The following XKR6 variants were observed in gnomAD, a reference collection of about 807,000 sequenced individuals.
XKR6 encodes XK-related protein 6.
In XKR6, 22 loss-of-function variants were observed where a neutral mutation model predicts 56.7. That is an observed-to-expected ratio of 0.39 (90% CI 0.28 to 0.55). The LOEUF is 0.55. XKR6 is among the 20% of genes least tolerant of loss of function. The pLI is 0.66. For synonymous variants in XKR6, 524 were observed against 387.8 expected (o/e 1.35, Z -4.13); for missense variants, 852 against 889.0 (o/e 0.96, Z 0.53).
intron 1 of XKR6, among the ~76,000 whole-genome samples, chr8:11,074,209 C>G (rs1800207481): frequency 6.6e-6 from 1 of 152,152 alleles, no homozygotes; most frequent in Admixed American, 6.6e-5. Context: ...TCTGCTCCAG[C>G]AGGAGCAGAA....
Position 11,201,281 on chromosome 8 carries a change from A to G in XKR6, c.59T>C (p.Leu20Pro). ...VGVGFAQLHN[L>P]DEAVGSGGEE... Reference sequence around the variant, plus strand: ...GCCGCCGCTGCCCACCGCCTCGTCCAGGTTGTGCAGCTGAGCGAAGCCCAC... The same window carrying G: ...GCCGCCGCTGCCCACCGCCTCGTCCGGGTTGTGCAGCTGAGCGAAGCCCAC... Residue 20 changes from leucine (L) to proline (P), a missense_variant, in exon 1 of 3, where the codon CTG (leucine) becomes CCG (proline). Coordinates refer to ENST00000416569, the MANE Select transcript of XKR6 (RefSeq NM_173683.4). 2.6e-6 allele frequency: 4 copies of G among 1,540,994 alleles called. No homozygotes were observed. Among genetic ancestry groups the G allele is most frequent in the Admixed American group, 1.7e-5 (1 of 57,222 alleles).
chr8:10,976,970 G>A (rs1459803963), intron 1 of XKR6, among the ~76,000 whole-genome samples: 1 of 152,122 alleles, frequency 6.6e-6, no homozygotes, highest in Non-Finnish European at 1.5e-5. Flanking sequence ...GATGCAGGTC[G>A]TCTTCCCCAG....
intron 1 of XKR6, among the ~76,000 whole-genome samples, chr8:10,967,924 C>T (rs547573653): frequency 2.9e-4 from 44 of 152,290 alleles, no homozygotes; most frequent in South Asian, 6.2e-4. Context: ...CGGCTCTGCA[C>T]TGGACAGAAC....
At chr8:11,032,894 G>A (rs1799025920) in intron 1 of XKR6, among the ~76,000 whole-genome samples, 1 of 152,184 alleles carries the variant, frequency 6.6e-6, no homozygotes, top group South Asian at 2.1e-4. Context: ...TGCTGGTGGT[G>A]GAGATGGTGA....
intron 1 of XKR6, among the ~76,000 whole-genome samples, chr8:10,983,708 T>C (rs998822307): frequency 1.3e-5 from 2 of 151,738 alleles, no homozygotes; most frequent in Non-Finnish European, 2.9e-5. Context: ...CAGGCTGGAG[T>C]GCAGTGGCCT....
At chr8:11,075,633 C>G (rs2129168340) in intron 1 of XKR6, among the ~76,000 whole-genome samples, 1 of 152,208 alleles carries the variant, frequency 6.6e-6, no homozygotes, top group South Asian at 2.1e-4. Context: ...ATCTGTAATC[C>G]CAGCACTTTG....
intron 1 of XKR6, among the ~76,000 whole-genome samples, chr8:11,184,573 T>C (rs1467635651): frequency 6.6e-6 from 1 of 152,202 alleles, no homozygotes; most frequent in Non-Finnish European, 1.5e-5. Flanking sequence ...GTTTTTTAAA[T>C]ATTTTATGGT....
intron 1 of XKR6, among the ~76,000 whole-genome samples, chr8:11,131,282 G>A (rs539090501): frequency 6.6e-6 from 1 of 151,940 alleles, no homozygotes; most frequent in Non-Finnish European, 1.5e-5. Context: ...TTCATTTTTG[G>A]TTCTTAATCT....
intron 1 of XKR6, among the ~76,000 whole-genome samples, chr8:10,977,737 G>A (rs1229354441): frequency 6.6e-6 from 1 of 151,022 alleles, no homozygotes; most frequent in Non-Finnish European, 1.5e-5. Flanking sequence ...GAGAAGTTTT[G>A]GAATCAGGCA....
At chr8:11,137,273 A>G (rs1286661604) in intron 1 of XKR6, 1 of 265,076 alleles carries the variant, frequency 3.8e-6, no homozygotes, top group Non-Finnish European at 7.3e-6. Context: ...TGTCTACTAA[A>G]GCAGTGCTTT....
chr8:11,092,878 T>A (rs1041691635), intron 1 of XKR6, among the ~76,000 whole-genome samples: 14 of 152,146 alleles, frequency 9.2e-5, no homozygotes, highest in African/African-American at 2.9e-4. Flanking sequence ...GTCCGCCTCA[T>A]CTTACAGCAG....
At chr8:11,191,025 G>A (rs1052025332) in intron 1 of XKR6, among the ~76,000 whole-genome samples, 1 of 152,162 alleles carries the variant, frequency 6.6e-6, no homozygotes, top group Admixed American at 6.5e-5. Context: ...TTTACTGCAA[G>A]TATCACACAC....
At chr8:11,197,801 G>A (rs1803971507) in intron 1 of XKR6, among the ~76,000 whole-genome samples, 1 of 152,216 alleles carries the variant, frequency 6.6e-6, no homozygotes, top group Non-Finnish European at 1.5e-5. Context: ...CATCTTGACA[G>A]GAATGGCAAG....
At chr8:10,924,471 G>A (rs1800815750) in intron 2 of XKR6, among the ~76,000 whole-genome samples, 163 bp downstream of exon 2, 1 of 152,266 alleles carries the variant, frequency 6.6e-6, no homozygotes, top group Non-Finnish European at 1.5e-5. Context: ...TGAGTGTGGT[G>A]TGGGCCCCGT....
At chr8:11,185,684 A>G (rs1185073597) in intron 1 of XKR6, among the ~76,000 whole-genome samples, 1 of 152,196 alleles carries the variant, frequency 6.6e-6, no homozygotes, top group Non-Finnish European at 1.5e-5. Context: ...CCAAGATCCA[A>G]TCTTTCCTCA....
intron 1 of XKR6, among the ~76,000 whole-genome samples, chr8:11,168,898 T>C (rs531540595): frequency 1.3e-5 from 2 of 152,334 alleles, no homozygotes; most frequent in South Asian, 4.1e-4. Flanking sequence ...CTTTTCCTTC[T>C]GTGGGCATGT....
chr8:11,149,337 ATTTG>A (rs1177825474), intron 1 of XKR6, among the ~76,000 whole-genome samples: 3 of 152,242 alleles, frequency 2.0e-5, no homozygotes, highest in Admixed American at 6.5e-5. Flanking sequence ...AATGGTAAGT[ATTTG>A]TTTAACTACA....
chr8:11,060,887 C>G (rs1243789785), intron 1 of XKR6, among the ~76,000 whole-genome samples: 1 of 152,196 alleles, frequency 6.6e-6, no homozygotes, highest in Non-Finnish European at 1.5e-5. Flanking sequence ...TCTTTTGATC[C>G]TGATACAAAC....
intron 1 of XKR6, among the ~76,000 whole-genome samples, chr8:10,948,036 C>A (rs1251953462): frequency 6.6e-6 from 1 of 152,142 alleles, no homozygotes; most frequent in Non-Finnish European, 1.5e-5. Context: ...GGAGAGGTGA[C>A]TGCAGAACAG....
Sources: gnomAD v4.1 joint callset for allele counts (sites outside exome capture counted in the v4.1 genomes callset) on GRCh38, gnomAD v4.1.1 for gene constraint, MANE v1.5 for transcripts, NCBI Gene and HGNC (gene_info 2026-07-23, HGNC 2026-07-21) for gene names.